The following GRB10 variants were observed in gnomAD, a reference collection of about 807,000 sequenced individuals.
The protein encoded by GRB10 is growth factor receptor bound protein 10.
GRB10 carries 20 observed loss-of-function variants against 80.9 expected under a neutral mutation model. That is an observed-to-expected ratio of 0.25 (90% confidence interval 0.17 to 0.36). The LOEUF (loss-of-function observed/expected upper bound fraction) is 0.36. GRB10 is among the 10% of genes least tolerant of loss of function. The probability of loss-of-function intolerance (pLI) is 1.00; values close to 1 mark genes in which losing one functional copy is unlikely to be tolerated. For synonymous variants in GRB10, 291 were observed against 291.5 expected (o/e 1.00, Z 0.02); for missense variants, 548 against 747.7 (o/e 0.73, Z 3.12).
In GRB10 at chr7:50,718,356, C is replaced by T. The variant is rs547101345; in HGVS notation, c.51+13916G>A. ...CATCTGCATGGGTTAGTTACCCATGCAGAAATCAGTCAGCCTCCAACTCCT... is the reference window on the plus strand; with the variant it reads ...CATCTGCATGGGTTAGTTACCCATGTAGAAATCAGTCAGCCTCCAACTCCT... On this transcript the variant is annotated intron_variant, in intron 4 of 18. Transcript: ENST00000401949. Among the ~76,000 whole-genome samples, 13 of 152,304 alleles carry T rather than the reference C, an allele frequency of 8.5e-5. 1 individual carries two copies. The South Asian group carries it at 2.7e-3, about 32-fold the overall frequency.
At chr7:50,740,678 A>C (rs916227515) in intron 3 of GRB10, among the ~76,000 whole-genome samples, 2 of 106,170 alleles carry the variant, frequency 1.9e-5, no homozygotes. Flanking sequence ...CATTAAAAGA[A>C]ACTCATAATT....
At chr7:50,714,966 T>C (rs1205506248) in intron 4 of GRB10, among the ~76,000 whole-genome samples, 2 of 152,044 alleles carry the variant, frequency 1.3e-5, no homozygotes, top group Non-Finnish European at 2.9e-5. Context: ...TTCCTTGAAC[T>C]TTCTCAACAA....
intron 15 of GRB10, chr7:50,604,988 G>A (rs2048277639): frequency 2.5e-6 from 1 of 407,696 alleles, no homozygotes; most frequent in Non-Finnish European, 4.5e-6. Context: ...TCCACAGACA[G>A]CCACTGCCAG....
intron 4 of GRB10, among the ~76,000 whole-genome samples, chr7:50,708,247 T>C (rs1476200784): frequency 1.3e-5 from 2 of 152,220 alleles, no homozygotes; most frequent in African/African-American, 4.8e-5. Flanking sequence ...AAGTGGCTCA[T>C]TTGTTTATGA....
chr7:50,673,533 G>A (rs895383220), intron 6 of GRB10, among the ~76,000 whole-genome samples: 1 of 152,086 alleles, frequency 6.6e-6, no homozygotes, highest in South Asian at 2.1e-4. Context: ...TTCAAGTGCT[G>A]GCAAAACGCA....
At chr7:50,594,247 T>C (rs1463050323) in intron 18 of GRB10, among the ~76,000 whole-genome samples, 3 of 152,242 alleles carry the variant, frequency 2.0e-5, no homozygotes, top group East Asian at 3.9e-4. Flanking sequence ...ATGAGCCTCA[T>C]TTTCCTCACG....
intron 2 of GRB10, among the ~76,000 whole-genome samples, chr7:50,763,504 T>C (rs1192261345): frequency 4.6e-5 from 7 of 152,190 alleles, no homozygotes; most frequent in Non-Finnish European, 1.5e-5. Context: ...GCATCCTTCT[T>C]GGAATAGCTT....
intron 1 of GRB10, among the ~76,000 whole-genome samples, chr7:50,791,849 A>T (rs1402271418): frequency 3.3e-5 from 5 of 152,108 alleles, no homozygotes; most frequent in Non-Finnish European, 2.9e-5. Flanking sequence ...CTGGAAACAT[A>T]GTTGGTTTTC....
At chr7:50,721,940 G>C (rs1404588144) in intron 4 of GRB10, among the ~76,000 whole-genome samples, 1 of 152,258 alleles carries the variant, frequency 6.6e-6, no homozygotes, top group African/African-American at 2.4e-5. Context: ...AACGGAAGAA[G>C]AAGACAGCGC....
At chr7:50,615,877 T>C (rs1244730524) in intron 11 of GRB10, among the ~76,000 whole-genome samples, 1 of 152,186 alleles carries the variant, frequency 6.6e-6, no homozygotes, top group Non-Finnish European at 1.5e-5. Flanking sequence ...CTATCAAACA[T>C]CTTTACAGCT....
chr7:50,693,392 T>C (rs1374468616), intron 5 of GRB10, among the ~76,000 whole-genome samples: 3 of 152,306 alleles, frequency 2.0e-5, no homozygotes, highest in Middle Eastern at 3.4e-3. Context: ...AAGGAAAGCA[T>C]TGCACCAAAT....
intron 10 of GRB10, among the ~76,000 whole-genome samples, chr7:50,616,589 T>A (rs1288870542): frequency 6.6e-6 from 1 of 152,178 alleles, no homozygotes; most frequent in East Asian, 1.9e-4. Context: ...ACACGAGTCA[T>A]GAATTTCCCT....
At chr7:50,723,621 C>T (rs2068101099) in intron 4 of GRB10, among the ~76,000 whole-genome samples, 1 of 152,196 alleles carries the variant, frequency 6.6e-6, no homozygotes, top group South Asian at 2.1e-4. Flanking sequence ...AGGGTTCCAG[C>T]GAAGTGCCCC....
chr7:50,748,955 A>G (rs912809622), intron 3 of GRB10, among the ~76,000 whole-genome samples: 3 of 152,220 alleles, frequency 2.0e-5, no homozygotes, highest in African/African-American at 7.2e-5. Context: ...GCTACATTAA[A>G]AGACATATTA....
In GRB10 at chr7:50,616,360, A is replaced by G. The variant is rs1261335382; in HGVS notation, c.847-13T>C. On this transcript the variant is annotated splice_polypyrimidine_tract_variant and intron_variant, in intron 10 of 18. Coordinates refer to ENST00000401949, the MANE Select transcript of GRB10 (RefSeq NM_001350814.2). ...AGTTCAGAAAATTCTGTTGAAGAAC[A>G]AATTTTTAAAATCACATAATGCTAA... The G allele has an allele frequency of 1.2e-6, 2 of 1,610,962 alleles. No individual in the cohort carries two copies. Among genetic ancestry groups the G allele is most frequent in the Non-Finnish European group, 1.7e-6 (2 of 1,177,286 alleles).
intron 7 of GRB10, among the ~76,000 whole-genome samples, chr7:50,659,164 G>A (rs998827558): frequency 6.6e-6 from 1 of 152,140 alleles, no homozygotes; most frequent in Non-Finnish European, 1.5e-5. Context: ...TTCTTTTTCT[G>A]TAAGATTTTT....
At chr7:50,687,055 G>A (rs754228068) in intron 5 of GRB10, among the ~76,000 whole-genome samples, 102 of 152,262 alleles carry the variant, frequency 6.7e-4, no homozygotes, top group Non-Finnish European at 2.9e-5. Context: ...TTGAGTAGGT[G>A]GGAAATAGAT....
intron 5 of GRB10, among the ~76,000 whole-genome samples, chr7:50,693,381 A>C (rs954901393): frequency 6.6e-6 from 1 of 152,194 alleles, no homozygotes; most frequent in East Asian, 1.9e-4. Context: ...CTGTTACTAG[A>C]AAGGAAAGCA....
chr7:50,746,777 C>T (rs568028467), intron 3 of GRB10, among the ~76,000 whole-genome samples: 1 of 152,260 alleles, frequency 6.6e-6, no homozygotes, highest in East Asian at 1.9e-4. Flanking sequence ...CTGCACACCA[C>T]CCAGTCTCTG....
Sources: gnomAD v4.1 joint callset for allele counts (sites outside exome capture counted in the v4.1 genomes callset) on GRCh38, gnomAD v4.1.1 for gene constraint, MANE v1.5 for transcripts, NCBI Gene and HGNC (gene_info 2026-07-23, HGNC 2026-07-21) for gene names.